DAAM2: variants seen among roughly 807,000 people sequenced by gnomAD.
The protein encoded by DAAM2 is dishevelled associated activator of morphogenesis 2.
A neutral mutation model predicts 120.7 loss-of-function variants in DAAM2; 39 were observed. That is an observed-to-expected ratio of 0.32 (90% confidence interval 0.25 to 0.42). DAAM2 has a LOEUF of 0.42. Ranked by LOEUF, DAAM2 falls within the 10% of genes least tolerant of loss-of-function variation. The pLI is 1.00. For missense variants in DAAM2, 1,283 were observed against 1,401.7 expected (o/e 0.92, Z 1.35); for synonymous variants, 488 against 524.9 (o/e 0.93, Z 0.96).
chr6:39,888,928 A>G, intron 17 of DAAM2, 165 bp downstream of exon 17: 1 of 430,540 alleles, frequency 2.3e-6, no homozygotes, highest in Non-Finnish European at 4.2e-6. Context: ...TTCTTGGGGA[A>G]AGCTGGAAAA....
At chr6:39,815,577 T>C (rs144514401) in intron 1 of DAAM2, among the ~76,000 whole-genome samples, 356 of 152,114 alleles carry the variant, frequency 2.3e-3, no homozygotes, top group Non-Finnish European at 3.8e-3. Flanking sequence ...TTAACTCTTA[T>C]TGGTGTCATG....
At chr6:39,870,552 A>C in intron 8 of DAAM2, 109 bp downstream of exon 8, 4 of 722,900 alleles carry the variant, frequency 5.5e-6, no homozygotes, top group Non-Finnish European at 9.6e-6. Context: ...ACCAGCTGCC[A>C]TTCCCAGCGC....
chr6:39,896,455 G>A lies in DAAM2; in HGVS notation c.2342-357G>A, dbSNP rs375907446. ...CTGACTCAAGTGATCTCCCTGCCTCGGCCTCCCAAAGTGCTGGGATTACAG... is the reference window on the plus strand; with the variant it reads ...CTGACTCAAGTGATCTCCCTGCCTCAGCCTCCCAAAGTGCTGGGATTACAG... On this transcript the variant is annotated intron_variant, in intron 19 of 24. Coordinates refer to ENST00000274867, the MANE Select transcript of DAAM2 (RefSeq NM_001201427.2). Among the ~76,000 whole-genome samples the A allele has an allele frequency of 2.6e-5, 4 of 152,020 alleles. 1 individual carries two copies. The highest frequency in any genetic ancestry group is 2.6e-4 in the Admixed American group (4 of 15,258).
chr6:39,840,528 A>T (rs576810972), intron 1 of DAAM2, among the ~76,000 whole-genome samples: 1 of 152,308 alleles, frequency 6.6e-6, no homozygotes, highest in South Asian at 2.1e-4. Flanking sequence ...GGTTAGTTGT[A>T]GGGGAAGTTG....
At chr6:39,843,383 C>T (rs1013736640) in intron 1 of DAAM2, among the ~76,000 whole-genome samples, 4 of 152,072 alleles carry the variant, frequency 2.6e-5, no homozygotes, top group South Asian at 2.1e-4. Context: ...AGATCAACGC[C>T]GCTTGAACAG....
At chr6:39,870,777 C>T (rs1047588222) in intron 8 of DAAM2, among the ~76,000 whole-genome samples, 8 of 152,160 alleles carry the variant, frequency 5.3e-5, no homozygotes, top group African/African-American at 1.7e-4. Context: ...TGTTGGGGGC[C>T]AGGAATGCTA....
intron 1 of DAAM2, among the ~76,000 whole-genome samples, chr6:39,852,704 G>A (rs530574641): frequency 3.3e-5 from 5 of 152,320 alleles, no homozygotes; most frequent in East Asian, 1.9e-4. Context: ...AGGGTGTCAC[G>A]GATGAGGAAG....
In DAAM2 at chr6:39,844,173, A is replaced by C. The variant is rs185742479; in HGVS notation, c.-56-12074A>C. Among the ~76,000 whole-genome samples the C allele has an allele frequency of 1.2e-4, 19 of 152,184 alleles. No homozygotes were observed. In the East Asian group the frequency reaches 3.3e-3, roughly 26 times the overall value. ...GTATTCTCTTTTCTAGAAATGTGTG[A>C]AATATTTATGTTTTAAAGCATGGAG... On this transcript the variant is annotated intron_variant, in intron 1 of 24. Transcript: ENST00000274867.
chr6:39,879,743 A>G, intron 14 of DAAM2: 1 of 569,046 alleles, frequency 1.8e-6, no homozygotes, highest in East Asian at 3.1e-5. Context: ...GCCCAGGGTT[A>G]ATGGAGTCAC....
chr6:39,880,674 AATG>A lies in DAAM2; in HGVS notation c.1845+1200_1845+1202del, dbSNP rs1352053418. ...TGTAAGTCAGTTTGCTCATGTGTGA[AATG>A]ATCTCAAAAATTCCCTCTGCCTCTG... On this transcript the variant is annotated intron_variant, in intron 14 of 24. Coordinates refer to ENST00000274867, the MANE Select transcript of DAAM2 (RefSeq NM_001201427.2). Among the ~76,000 whole-genome samples the A allele has an allele frequency of 3.3e-5, 5 of 152,332 alleles. No homozygotes were observed. In the South Asian group the frequency reaches 1.0e-3, roughly 32 times the overall value.
At chr6:39,875,223 G>C in intron 10 of DAAM2, 107 bp from the exon 11 acceptor site, 1 of 1,233,590 alleles carries the variant, frequency 8.1e-7, no homozygotes, top group East Asian at 2.4e-5. Context: ...CTTACCATAG[G>C]TGGAGAAGGG....
At chr6:39,899,904 TG>T in intron 22 of DAAM2, 172 bp from the exon 23 acceptor site, 1 of 649,680 alleles carries the variant, frequency 1.5e-6, no homozygotes, top group Non-Finnish European at 2.5e-6. Context: ...CAGGGTGGGC[TG>T]GCTGCTAATG....
chr6:39,792,385 G>C lies in DAAM2; in HGVS notation c.-137G>C, dbSNP rs1214031381. 1.3e-5 allele frequency: 2 copies of C among 152,252 alleles called. No homozygotes were observed. The highest frequency in any genetic ancestry group is 2.9e-5 in the Non-Finnish European group (2 of 68,090). The allele number at this position is 152,252 out of a possible 1,614,324, so 9.4% of individuals were successfully genotyped here. A position where few individuals can be genotyped will look rare whatever the true frequency, so the allele number is the denominator to read the frequency against. On this transcript the variant is annotated 5_prime_UTR_variant, in exon 1 of 25. Transcript: ENST00000274867. The stretch of plus-strand genomic sequence containing the variant: ...GCCGCGGCTTCCCGGGGATAGCGCG[G>C]AGCACGCAGCAGCGAGCGGAGCGCG...
At chr6:39,794,232 T>A (rs1235407147) in intron 1 of DAAM2, among the ~76,000 whole-genome samples, 1 of 152,124 alleles carries the variant, frequency 6.6e-6, no homozygotes. Flanking sequence ...GCCTATGTGT[T>A]TTTACACATA....
At chr6:39,870,561 G>A (rs913527301) in intron 8 of DAAM2, 118 bp downstream of exon 8, 14 of 694,544 alleles carry the variant, frequency 2.0e-5, no homozygotes, top group East Asian at 5.4e-5. Flanking sequence ...CATTCCCAGC[G>A]CAGATTCAGA....
intron 22 of DAAM2, 22 bp downstream of exon 22, chr6:39,898,959 AC>A (rs545826745): frequency 2.4e-4 from 386 of 1,598,718 alleles, no homozygotes; most frequent in Non-Finnish European, 3.2e-4. Flanking sequence ...GTCAGTGCCT[AC>A]CTGGGTGAGG....
In DAAM2 at chr6:39,878,520, G is replaced by A; in HGVS notation, c.1477G>A (p.Glu493Lys). ...CAAAATGAAGGACAAGCTGGCCCGG[G>A]AGTCCCAGGAGCTGCGCCAGGCTCG... ...LNKMKDKLAR[E>K]SQELRQARGQ... Residue 493 changes from glutamate to lysine, a missense_variant, in exon 13 of 25, where the codon GAG becomes AAG. Physicochemically the swap from Glu to Lys is moderately conservative, Grantham distance 56. Around this residue, in one of 3 missense-constraint regions of DAAM2, gnomAD observed 748 missense variants for 768.6 expected, o/e 0.97. Coordinates refer to ENST00000274867, the MANE Select transcript of DAAM2 (RefSeq NM_001201427.2). The surrounding 1 kb of genome is among the most constrained non-coding windows in gnomAD (Gnocchi z 5.0). 6.2e-7 allele frequency: 1 copy of A among 1,610,402 alleles called. No homozygotes were observed. Among genetic ancestry groups the A allele is most frequent in the Non-Finnish European group, 8.5e-7 (1 of 1,178,422 alleles).
rs762073380 is a variant in DAAM2 at position 39,861,033 on chromosome 6, C to A, written c.258+16C>A. 1.1e-5 allele frequency: 17 copies of A among 1,593,644 alleles called. No homozygotes were observed. The highest frequency in any genetic ancestry group is 4.5e-5 in the South Asian group (4 of 88,068). On this transcript the variant is annotated intron_variant, in intron 3 of 24. Coordinates refer to ENST00000274867, the MANE Select transcript of DAAM2 (RefSeq NM_001201427.2). Reference sequence around the variant, plus strand: ...CAAGAAGAAGGTGCCCTCTCTGACCCCTCTGGCCACATCTCAGGGTTCATG... The same window carrying A: ...CAAGAAGAAGGTGCCCTCTCTGACCACTCTGGCCACATCTCAGGGTTCATG...
chr6:39,860,459 T>C (rs746297889), intron 2 of DAAM2, among the ~76,000 whole-genome samples: 1 of 152,086 alleles, frequency 6.6e-6, no homozygotes, highest in Non-Finnish European at 1.5e-5. Context: ...GAAGGGCAGG[T>C]AGATGTGAAG....
Sources: gnomAD v4.1 joint callset for allele counts (sites outside exome capture counted in the v4.1 genomes callset) on GRCh38, gnomAD v4.1.1 for gene constraint, gnomAD v4.1.1 regional missense constraint, Gnocchi (gnomAD v3.1) non-coding constraint, MANE v1.5 for transcripts, NCBI Gene and HGNC (gene_info 2026-07-23, HGNC 2026-07-21) for gene names.